VANGL1: variants seen among roughly 807,000 people sequenced by gnomAD.
The protein encoded by VANGL1 is VANGL planar cell polarity protein 1.
Under a neutral mutation model 48.4 loss-of-function variants are expected in VANGL1, and 18 were observed. The observed-to-expected ratio is 0.37, with a 90% CI of 0.26 to 0.55. The LOEUF is 0.55. Ranked by LOEUF, VANGL1 falls within the 20% of genes least tolerant of loss-of-function variation. VANGL1 has a pLI of 0.81. For synonymous variants in VANGL1, 257 were observed against 261.8 expected (o/e 0.98, Z 0.18); for missense variants, 667 against 675.8 (o/e 0.99, Z 0.14).
intron 2 of VANGL1, among the ~76,000 whole-genome samples, chr1:115,653,432 T>G (rs909214743): frequency 6.6e-6 from 1 of 152,232 alleles, no homozygotes; most frequent in African/African-American, 2.4e-5. Flanking sequence ...ATACCAATTT[T>G]GTTTAGCACT....
intron 4 of VANGL1, among the ~76,000 whole-genome samples, chr1:115,676,576 G>A (rs1013581810): frequency 6.6e-6 from 1 of 152,178 alleles, no homozygotes; most frequent in Non-Finnish European, 1.5e-5. Context: ...CCTAAACCAG[G>A]CAGGCTACTC....
chr1:115,651,219 A>G, intron 1 of VANGL1, 58 bp from the exon 2 acceptor site: 1 of 590,986 alleles, frequency 1.7e-6, no homozygotes, highest in Non-Finnish European at 3.0e-6. Context: ...TTTATCTTTC[A>G]GCCCCATTAA....
chr1:115,681,436 G>A (rs1018066704), intron 4 of VANGL1, among the ~76,000 whole-genome samples: 1 of 151,670 alleles, frequency 6.6e-6, no homozygotes, highest in Non-Finnish European at 1.5e-5. Context: ...GCCAGAGATA[G>A]CACTCCAAGG....
intron 4 of VANGL1, among the ~76,000 whole-genome samples, chr1:115,680,270 C>T (rs937671009): frequency 6.6e-6 from 1 of 152,062 alleles, no homozygotes; most frequent in African/African-American, 2.4e-5. Context: ...AAGGCTGCAC[C>T]CTGTCCCAGG....
intron 2 of VANGL1, among the ~76,000 whole-genome samples, chr1:115,653,382 C>T (rs567552825): frequency 1.8e-4 from 27 of 152,098 alleles, no homozygotes; most frequent in Non-Finnish European, 3.4e-4. Context: ...GGTAAACTTA[C>T]CAGATTTAGT....
chr1:115,655,442 G>A (rs113734148), intron 2 of VANGL1, among the ~76,000 whole-genome samples: 63 of 152,248 alleles, frequency 4.1e-4, no homozygotes, highest in Middle Eastern at 3.4e-3. Context: ...ACACATGCCC[G>A]GGCTGCCTGC....
chr1:115,682,360 T>C lies in VANGL1; in HGVS notation c.813-4T>C. The stretch of plus-strand genomic sequence containing the variant: ...TTGCATTAATTTTGTTCTTTTTTTC[T>C]CAGTATCCAGCGAGCAGCATTGGTG... On this transcript the variant is annotated splice_polypyrimidine_tract_variant and splice_region_variant and intron_variant, in intron 4 of 7. Transcript: ENST00000355485. 1.2e-6 allele frequency: 2 copies of C among 1,614,102 alleles called. No individual in the cohort carries two copies. The highest frequency in any genetic ancestry group is 1.7e-6 in the Non-Finnish European group (2 of 1,180,036).
At chr1:115,645,749 A>G (rs551354046) in intron 1 of VANGL1, among the ~76,000 whole-genome samples, 34 of 152,344 alleles carry the variant, frequency 2.2e-4, no homozygotes, top group African/African-American at 7.5e-4. Flanking sequence ...TAATAGCATA[A>G]TCTCTGCAGA....
At chr1:115,645,675 A>G (rs1287355023) in intron 1 of VANGL1, among the ~76,000 whole-genome samples, 1 of 152,228 alleles carries the variant, frequency 6.6e-6, no homozygotes, top group African/African-American at 2.4e-5. Context: ...CTTGAGTGCC[A>G]TTTAATTAAG....
intron 4 of VANGL1, among the ~76,000 whole-genome samples, chr1:115,676,959 A>G (rs983687129): frequency 1.3e-5 from 2 of 152,026 alleles, no homozygotes; most frequent in South Asian, 4.2e-4. Context: ...AGGTTTGGAG[A>G]AGTGACTAAT....
In VANGL1 at chr1:115,697,761, G is replaced by A. The variant is rs968151847; in HGVS notation, c.*6382G>A. ...AAACCACCTGTCTTTACCTGACAGA[G>A]TCATAACGGTTTGTGTAAAAATGTG... On this transcript the variant is annotated 3_prime_UTR_variant, in exon 8 of 8. Coordinates refer to ENST00000355485, the MANE Select transcript of VANGL1 (RefSeq NM_138959.3). 6.6e-6 allele frequency: 1 copy of A among 152,230 alleles called. No homozygotes were observed. The highest frequency in any genetic ancestry group is 2.4e-5 in the African/African-American group (1 of 41,472). The allele number at this position is 152,230 out of a possible 1,614,324, so 9.4% of individuals were successfully genotyped here. A position where few individuals can be genotyped will look rare whatever the true frequency, so the allele number is the denominator to read the frequency against.
Position 115,683,932 on chromosome 1 carries a change from C to T in VANGL1, c.947-12C>T, listed in dbSNP as rs1330524493. 2 of 1,612,596 alleles carry T rather than the reference C, an allele frequency of 1.2e-6. No homozygotes were observed. Among genetic ancestry groups the T allele is most frequent in the East Asian group, 2.2e-5 (1 of 44,798 alleles). ...GTATTAACACTATTCTTTCACTGTC[C>T]TTTCCCCAAAGGCCCCAGTAACAAT... On this transcript the variant is annotated splice_polypyrimidine_tract_variant and intron_variant, in intron 5 of 7. Transcript: ENST00000355485.
chr1:115,688,325 A>C (rs902693302), intron 7 of VANGL1, among the ~76,000 whole-genome samples: 1 of 138,418 alleles, frequency 7.2e-6, no homozygotes, highest in Admixed American at 7.5e-5. Context: ...ATTTGGATTA[A>C]GAGTTTTCAT....
intron 2 of VANGL1, among the ~76,000 whole-genome samples, chr1:115,652,388 C>T (rs927723540): frequency 2.0e-5 from 3 of 152,224 alleles, no homozygotes; most frequent in Admixed American, 6.5e-5. Flanking sequence ...ATAGGTGGCA[C>T]TGTACCAGTT....
At chr1:115,687,549 A>G (rs1653675641) in intron 7 of VANGL1, among the ~76,000 whole-genome samples, 1 of 138,998 alleles carries the variant, frequency 7.2e-6, no homozygotes, top group Non-Finnish European at 1.6e-5. Context: ...CAAACATTAA[A>G]GAAAAGTATC....
At chr1:115,645,571 G>A (rs1436186465) in intron 1 of VANGL1, among the ~76,000 whole-genome samples, 1 of 152,146 alleles carries the variant, frequency 6.6e-6, no homozygotes, top group Non-Finnish European at 1.5e-5. Context: ...CTAGAGCCAG[G>A]ATTTGAATGC....
intron 1 of VANGL1, among the ~76,000 whole-genome samples, chr1:115,646,422 A>C (rs116378707): frequency 0.011 from 1,566 of 147,498 alleles, 26 homozygotes; most frequent in African/African-American, 0.037. Flanking sequence ...GCTGCTGCTG[A>C]TTTTTACTCA....
At chr1:115,648,276 ACTTGGCTCATAGCAATC>A in intron 1 of VANGL1, among the ~76,000 whole-genome samples, 2 of 152,314 alleles carry the variant, frequency 1.3e-5, no homozygotes, top group East Asian at 3.9e-4. Context: ...CAAGGATGTT[ACTTGGCTCATAGCAATC>A]CTTGGCCAAC....
At position 115,651,412 on chromosome 1, in the gene VANGL1, C is replaced by G. The variant is rs1159117468; in HGVS notation, c.-2C>G. 1.1e-5 allele frequency: 18 copies of G among 1,613,818 alleles called. No individual in the cohort carries two copies. Among genetic ancestry groups the G allele is most frequent in the Non-Finnish European group, 1.4e-5 (17 of 1,179,948 alleles). ...TTCCTCAAGCGCAAGCCCTCCATTG[C>G]TATGGATACCGAATCCACTTATTCT... is the stretch of plus-strand genomic sequence containing the variant. On this transcript the variant is annotated 5_prime_UTR_variant, in exon 2 of 8. Coordinates refer to ENST00000355485, the MANE Select transcript of VANGL1 (RefSeq NM_138959.3).
Sources: allele counts gnomAD v4.1 joint callset (sites outside exome capture counted in the v4.1 genomes callset), GRCh38; gene constraint gnomAD v4.1.1; transcripts MANE v1.5; gene names NCBI Gene and HGNC (gene_info 2026-07-23, HGNC 2026-07-21).